The following GCSAML variants were observed in gnomAD, a reference collection of about 807,000 sequenced individuals.
GCSAML encodes the protein germinal center associated signaling and motility like.
GCSAML carries 9 observed loss-of-function variants against 13.0 expected under a neutral mutation model. The observed-to-expected ratio is 0.69, with a 90% CI of 0.42 to 1.21. The LOEUF is 1.21. GCSAML is among the 50% of genes most tolerant of loss of function. The pLI, the probability that GCSAML is intolerant of heterozygous loss-of-function variation, is 0.00. For synonymous variants in GCSAML, 37 were observed against 52.9 expected (o/e 0.70, Z 1.31); for missense variants, 143 against 153.4 (o/e 0.93, Z 0.36).
In GCSAML at chr1:247,527,864, C is replaced by T. The variant is rs1250274514; in HGVS notation, c.-148+810C>T. 2 of 152,140 alleles carry T rather than the reference C, an allele frequency of 1.3e-5. No homozygotes were observed. Among genetic ancestry groups the T allele is most frequent in the Non-Finnish European group, 2.9e-5 (2 of 68,020 alleles). 9.4% of individuals were successfully genotyped at this position (152,140 alleles called of 1,614,324 possible). A position where few individuals can be genotyped will look rare whatever the true frequency, so the allele number is the denominator to read the frequency against. On this transcript the variant is annotated intron_variant, in intron 2 of 5. Coordinates refer to the GCSAML transcript ENST00000366489. The surrounding 1 kb of genome is among the most constrained non-coding windows in gnomAD (Gnocchi z 4.6). ...CTCCAATGGAGCTGTAATTTTGTAT[C>T]CTTTAACAAATCTCTTCTCATTCCC...
intron 3 of GCSAML, chr1:247,565,493 A>G (rs1220099841): frequency 1.9e-5 from 3 of 156,840 alleles, no homozygotes; most frequent in Non-Finnish European, 4.2e-5. Context: ...TTCTGTACCT[A>G]TCTCTATAGC....
intron 4 of GCSAML, among the ~76,000 whole-genome samples, chr1:247,568,132 C>A (rs563421271): frequency 1.9e-4 from 29 of 152,256 alleles, no homozygotes; most frequent in Admixed American, 9.2e-4. Context: ...ATTGCCTGTT[C>A]ACTCTGATGA....
intron 1 of GCSAML, among the ~76,000 whole-genome samples, chr1:247,521,996 C>G (rs1259000438): frequency 6.6e-6 from 1 of 151,050 alleles, no homozygotes; most frequent in Non-Finnish European, 1.5e-5. Flanking sequence ...CCCGCTGCCC[C>G]GTCTGGGATG....
chr1:247,567,867 T>C (rs141111871), intron 4 of GCSAML, among the ~76,000 whole-genome samples: 5,809 of 152,302 alleles, frequency 0.038, 163 homozygotes, highest in Non-Finnish European at 0.058. Context: ...ATGATCACCA[T>C]TCTAACTGGC....
intron 4 of GCSAML, 76 bp downstream of exon 4, chr1:247,566,035 C>T (rs1668341852): frequency 1.0e-6 from 1 of 993,582 alleles, no homozygotes; most frequent in Non-Finnish European, 1.5e-6. Flanking sequence ...TGCCAAAATA[C>T]AGATGATTTA....
At chr1:247,512,490 C>T (rs924579904) in intron 1 of GCSAML, among the ~76,000 whole-genome samples, 16 of 151,972 alleles carry the variant, frequency 1.1e-4, no homozygotes, top group Non-Finnish European at 2.2e-4. Context: ...TTATTGCCCA[C>T]CTTCTGAAGC....
intron 3 of GCSAML, among the ~76,000 whole-genome samples, chr1:247,564,068 G>A (rs1668246334): frequency 6.6e-6 from 1 of 151,900 alleles, no homozygotes; most frequent in Admixed American, 6.6e-5. Context: ...TGAGTAGCAG[G>A]GATTACAGGG....
At chr1:247,565,656 C>T (rs1668319893) in intron 3 of GCSAML, 1 of 326,350 alleles carries the variant, frequency 3.1e-6, no homozygotes. Flanking sequence ...ATTTTGAAAT[C>T]CATCTTATTC....
At chr1:247,569,191 C>T (rs1477198803) in intron 4 of GCSAML, among the ~76,000 whole-genome samples, 1 of 152,122 alleles carries the variant, frequency 6.6e-6, no homozygotes, top group Non-Finnish European at 1.5e-5. Context: ...TTTGAATACC[C>T]TTTATTTCTT....
At position 247,575,541 on chromosome 1, in the gene GCSAML, C is replaced by T. The variant is rs1279774985; in HGVS notation, c.*1159C>T. The stretch of plus-strand genomic sequence containing the variant: ...TTTTTCTATGTACTGGATATTTTTG[C>T]ATATAAACTTGCAGTAATAGTTCAA... On this transcript the variant is annotated 3_prime_UTR_variant, in exon 5 of 5. Coordinates refer to ENST00000366488, the MANE Select transcript of GCSAML (RefSeq NM_145278.5). 1 of 152,032 alleles carries T rather than the reference C, an allele frequency of 6.6e-6. No homozygotes were observed. The highest frequency in any genetic ancestry group is 1.5e-5 in the Non-Finnish European group (1 of 68,014). 9.4% of individuals were successfully genotyped at this position (152,032 alleles called of 1,614,324 possible).
intron 1 of GCSAML, 72 bp downstream of exon 1, chr1:247,549,292 A>G: frequency 7.7e-7 from 1 of 1,302,316 alleles, no homozygotes; most frequent in Non-Finnish European, 1.1e-6. Flanking sequence ...GACATAACGC[A>G]TTTGTAATGG....
At chr1:247,566,923 A>T (rs1151692) in intron 4 of GCSAML, among the ~76,000 whole-genome samples, 88,864 of 151,546 alleles carry the variant, frequency 0.59, 26,693 homozygotes, top group East Asian at 0.8. Flanking sequence ...GATTGTTGCA[A>T]ACATTGCATC....
chr1:247,557,169 C>T (rs1017609323), intron 2 of GCSAML, among the ~76,000 whole-genome samples: 5 of 152,168 alleles, frequency 3.3e-5, no homozygotes, highest in Admixed American at 6.5e-5. Flanking sequence ...GCTTCTGCAC[C>T]GCATGGTTTT....
chr1:247,564,633 A>G (rs967607164), intron 3 of GCSAML, among the ~76,000 whole-genome samples: 1 of 152,214 alleles, frequency 6.6e-6, no homozygotes, highest in African/African-American at 2.4e-5. Flanking sequence ...TGATTACTAC[A>G]TCAAATTAAT....
intron 4 of GCSAML, among the ~76,000 whole-genome samples, chr1:247,573,716 A>G (rs542245154): frequency 1.3e-5 from 2 of 152,292 alleles, no homozygotes; most frequent in Middle Eastern, 3.4e-3. Flanking sequence ...AGTTTTTTCT[A>G]GTTCTGCGAA....
chr1:247,519,132 TTC>T (rs1455942677), intron 1 of GCSAML: 1 of 152,272 alleles, frequency 6.6e-6, no homozygotes, highest in Non-Finnish European at 1.5e-5. Context: ...GAGCAAGGCG[TTC>T]TCTCTTTCAG....
At chr1:247,565,093 C>T (rs907912591) in intron 3 of GCSAML, among the ~76,000 whole-genome samples, 1 of 152,180 alleles carries the variant, frequency 6.6e-6, no homozygotes, top group Admixed American at 6.5e-5. Context: ...GGCCCAGTGG[C>T]TCATGCCTGT....
At chr1:247,566,645 C>T (rs542599097) in intron 4 of GCSAML, among the ~76,000 whole-genome samples, 1 of 152,278 alleles carries the variant, frequency 6.6e-6, no homozygotes, top group Non-Finnish European at 1.5e-5. Context: ...TTTTAGCTTT[C>T]CACATTCCCT....
chr1:247,543,764 A>C (rs761939511), intron 2 of GCSAML, among the ~76,000 whole-genome samples: 1 of 152,078 alleles, frequency 6.6e-6, no homozygotes, highest in Admixed American at 6.6e-5. Flanking sequence ...TAACTTATCA[A>C]TTTCTGCAGG....
Sources: gnomAD v4.1 joint callset for allele counts (sites outside exome capture counted in the v4.1 genomes callset) on GRCh38, gnomAD v4.1.1 for gene constraint, Gnocchi (gnomAD v3.1) non-coding constraint, MANE v1.5 for transcripts, NCBI Gene and HGNC (gene_info 2026-07-23, HGNC 2026-07-21) for gene names.